The following SLC6A16 variants were observed in gnomAD, a reference collection of about 807,000 sequenced individuals.
SLC6A16 encodes solute carrier family 6 member 16.
A neutral mutation model predicts 65.4 loss-of-function variants in SLC6A16; 54 were observed. The observed-to-expected ratio is 0.83, with a 90% CI of 0.66 to 1.04. The LOEUF (loss-of-function observed/expected upper bound fraction) is 1.04. Ranked by LOEUF, SLC6A16 falls within the 50% of genes least tolerant of loss-of-function variation. The probability of loss-of-function intolerance (pLI) is 0.00; values close to 1 mark genes in which losing one functional copy is unlikely to be tolerated. For missense variants in SLC6A16, 816 were observed against 914.0 expected, an observed-to-expected ratio of 0.89 and a Z score of 1.38; for synonymous variants, 330 against 346.5, an observed-to-expected ratio of 0.95 and a Z score of 0.53.
chr19:49,337,323 C>A, the SLC6A16 span: 1 of 1,130,000 alleles, frequency 8.8e-7, no homozygotes, highest in Non-Finnish European at 1.3e-6. Flanking sequence ...CAGACAGGGG[C>A]TAACCTAGAT....
chr19:49,335,600 C>A, the SLC6A16 span: 2 of 1,613,534 alleles, frequency 1.2e-6, no homozygotes, highest in Non-Finnish European at 1.7e-6. The surrounding 1 kb of genome is among the most constrained non-coding windows in gnomAD (Gnocchi z 4.6). Context: ...TTTTCAACCT[C>A]TTCTTCTTCG....
the SLC6A16 span, chr19:49,337,934 A>G: frequency 8.1e-6 from 13 of 1,613,960 alleles, no homozygotes; most frequent in Non-Finnish European, 1.1e-5. Context: ...GCTGGAGCGA[A>G]GCTTGCGGGA....
chr19:49,339,602 G>A, the SLC6A16 span: 8 of 1,441,400 alleles, frequency 5.6e-6, no homozygotes, highest in Non-Finnish European at 6.3e-6. This position sits in a 1 kb window ranked among gnomAD's most constrained non-coding sequence, Gnocchi z 4.5. Flanking sequence ...CTGATTGGGT[G>A]TACGCAGGGA....
chr19:49,328,711 T>C (rs1408015053), upstream of SLC6A16, among the ~76,000 whole-genome samples: 2 of 152,196 alleles, frequency 1.3e-5, no homozygotes, highest in Non-Finnish European at 2.9e-5. Context: ...GAGTGCAGGC[T>C]CTCCTTAGCA....
At chr19:49,299,606 A>G (rs1452695207) in intron 7 of SLC6A16, among the ~76,000 whole-genome samples, 1 of 151,132 alleles carries the variant, frequency 6.6e-6, no homozygotes, top group Non-Finnish European at 1.5e-5. Flanking sequence ...TGCTAGGAAA[A>G]AAAAAAAAAA....
chr19:49,310,032 C>T lies in SLC6A16; in HGVS notation c.700+8G>A, dbSNP rs1568534473. On this transcript the variant is annotated splice_region_variant and intron_variant, in intron 4 of 11. Coordinates refer to ENST00000335875, the MANE Select transcript of SLC6A16 (RefSeq NM_014037.3). ...TTCCCTTCTCCTCTTCTTTCACTTC[C>T]TCCTCACCAAAGCCACTAGAGTTCA... is the stretch of plus-strand genomic sequence containing the variant. 6.2e-7 allele frequency: 1 copy of T among 1,613,448 alleles called. No homozygotes were observed. Among genetic ancestry groups the T allele is most frequent in the Non-Finnish European group, 8.5e-7 (1 of 1,179,542 alleles).
chr19:49,316,894 A>G (rs1970621801), intron 1 of SLC6A16, among the ~76,000 whole-genome samples: 1 of 151,422 alleles, frequency 6.6e-6, no homozygotes, highest in African/African-American at 2.4e-5. Context: ...AAAATTAGCC[A>G]GGCATAGTGG....
intron 7 of SLC6A16, among the ~76,000 whole-genome samples, chr19:49,302,731 T>G (rs1030577690): frequency 4.0e-5 from 6 of 151,842 alleles, no homozygotes; most frequent in Admixed American, 3.9e-4. Flanking sequence ...AGAAAACAAT[T>G]TAACAAAATC....
intron 7 of SLC6A16, among the ~76,000 whole-genome samples, chr19:49,300,018 AAG>A (rs1568528194): frequency 6.6e-6 from 1 of 151,538 alleles, no homozygotes; most frequent in Non-Finnish European, 1.5e-5. Context: ...AAAAAAAAAA[AAG>A]AGAGTAATTT....
At chr19:49,339,444 G>C in the SLC6A16 span, 3 of 1,600,022 alleles carry the variant, frequency 1.9e-6, no homozygotes, top group Non-Finnish European at 2.6e-6. The surrounding 1 kb of genome is among the most constrained non-coding windows in gnomAD (Gnocchi z 4.5). Flanking sequence ...CCCGCGATCG[G>C]CCCTAAATCC....
At chr19:49,328,210 G>C (rs980711799), upstream of SLC6A16, among the ~76,000 whole-genome samples, 2 of 152,102 alleles carry the variant, frequency 1.3e-5, no homozygotes, top group East Asian at 1.9e-4. Flanking sequence ...AGCTTGGCTG[G>C]GGAGGCCTCA....
intron 8 of SLC6A16, 135 bp from the exon 9 acceptor site, chr19:49,294,163 G>T: frequency 2.2e-6 from 2 of 918,848 alleles, no homozygotes; most frequent in Non-Finnish European, 3.2e-6. Flanking sequence ...AGATGTCCAA[G>T]CTAACCCCCT....
upstream of SLC6A16, among the ~76,000 whole-genome samples, chr19:49,329,905 T>C (rs1294161204): frequency 6.6e-6 from 1 of 152,134 alleles, no homozygotes; most frequent in Non-Finnish European, 1.5e-5. Flanking sequence ...AGTGCTGGGA[T>C]TACAGGCGTG....
At chr19:49,336,733 C>G in the SLC6A16 span, 1 of 611,234 alleles carries the variant, frequency 1.6e-6, no homozygotes, top group Admixed American at 3.1e-5. Context: ...GGAAACAGGC[C>G]CAGAAAGAAG....
the SLC6A16 span, chr19:49,337,203 C>A: frequency 1.2e-6 from 2 of 1,614,188 alleles, no homozygotes; most frequent in Non-Finnish European, 1.7e-6. Context: ...GAATCCTCAT[C>A]TCCACTCAGC....
At chr19:49,294,804 G>A (rs969872622) in intron 7 of SLC6A16, among the ~76,000 whole-genome samples, 2 of 152,008 alleles carry the variant, frequency 1.3e-5, no homozygotes, top group Non-Finnish European at 2.9e-5. Context: ...GGGACTCTGT[G>A]GTCTCTGCTC....
At chr19:49,306,765 A>C (rs1970396594) in intron 7 of SLC6A16, among the ~76,000 whole-genome samples, 1 of 151,960 alleles carries the variant, frequency 6.6e-6, no homozygotes, top group African/African-American at 2.4e-5. Flanking sequence ...GCTGGTCTCA[A>C]ACTCCTGACC....
chr19:49,304,936 T>C (rs568091133), intron 7 of SLC6A16, among the ~76,000 whole-genome samples: 3 of 152,298 alleles, frequency 2.0e-5, no homozygotes. Context: ...CAATTATAAA[T>C]TGGCACAGAT....
chr19:49,294,313 T>G lies in SLC6A16; in HGVS notation c.1416+54A>C, dbSNP rs988585674. 6.5e-6 allele frequency: 10 copies of G among 1,542,760 alleles called. No homozygotes were observed. In the African/African-American group the frequency reaches 1.4e-4, roughly 21 times the overall value. On this transcript the variant is annotated intron_variant, in intron 8 of 11. Coordinates refer to ENST00000335875, the MANE Select transcript of SLC6A16 (RefSeq NM_014037.3). The stretch of plus-strand genomic sequence containing the variant: ...TGCTAATAAAAGCTAAAATTTCTGT[T>G]GTGCTAAAGGCTTTCAGGAACTCTA...
Sources: gnomAD v4.1 joint callset for allele counts (sites outside exome capture counted in the v4.1 genomes callset) on GRCh38, gnomAD v4.1.1 for gene constraint, Gnocchi (gnomAD v3.1) non-coding constraint, MANE v1.5 for transcripts, NCBI Gene and HGNC (gene_info 2026-07-23, HGNC 2026-07-21) for gene names.